Variants in FLNB observed in about 807,000 individuals in gnomAD.
The protein encoded by FLNB is filamin B, also known as filamin-B.
FLNB carries 111 observed loss-of-function variants against 250.6 expected under a neutral mutation model. That is an observed-to-expected ratio of 0.44 (90% CI 0.38 to 0.52). The LOEUF (loss-of-function observed/expected upper bound fraction) is 0.52, where lower values mean the gene tolerates loss of function less well. Among genes scored for constraint, FLNB ranks in the 20% least tolerant of loss-of-function variants. The probability of loss-of-function intolerance (pLI) is 0.00; values close to 1 mark genes in which losing one functional copy is unlikely to be tolerated. For synonymous variants in FLNB, 1,302 were observed against 1,372.1 expected (o/e 0.95, Z 1.13); for missense variants, 2,869 against 3,447.8 (o/e 0.83, Z 4.20).
chr3:58,039,499 G>T (rs1441814207), intron 1 of FLNB, among the ~76,000 whole-genome samples: 1 of 152,110 alleles, frequency 6.6e-6, no homozygotes, highest in Non-Finnish European at 1.5e-5. Context: ...AGTCTGACTG[G>T]GGGGATCTAG....
intron 1 of FLNB, among the ~76,000 whole-genome samples, chr3:58,049,917 C>A (rs2097159676): frequency 6.6e-6 from 1 of 152,156 alleles, no homozygotes; most frequent in Admixed American, 6.5e-5. Context: ...ATCTCACCCA[C>A]TACTGTGGGA....
chr3:58,168,425 A>G lies in FLNB; in HGVS notation c.7199-15A>G, dbSNP rs780180301. ...CCAAGTCATCAACACAGCATTTTCT[A>G]TTCCTTTCTCCCAGGTATCCAGTCG... On this transcript the variant is annotated splice_polypyrimidine_tract_variant and intron_variant, in intron 43 of 45. Coordinates refer to ENST00000295956, the MANE Select transcript of FLNB (RefSeq NM_001457.4). The G allele has an allele frequency of 1.0e-5, 16 of 1,602,394 alleles. No individual in the cohort carries two copies. Among genetic ancestry groups the G allele is most frequent in the East Asian group, 2.2e-5 (1 of 44,830 alleles).
At chr3:58,099,002 T>C (rs1192989207) in intron 8 of FLNB, 94 bp downstream of exon 8, 11 of 1,055,234 alleles carry the variant, frequency 1.0e-5, no homozygotes, top group Admixed American at 1.7e-5. Flanking sequence ...GGGCCCAACA[T>C]TGACCTTATG....
chr3:58,084,676 G>A lies in FLNB; in HGVS notation c.787+2900G>A, dbSNP rs542186300. 1.2e-4 allele frequency among the ~76,000 whole-genome samples: 18 copies of A among 152,096 alleles called. 1 individual carries two copies. The South Asian group carries it at 3.7e-3, about 32-fold the overall frequency. The stretch of plus-strand genomic sequence containing the variant: ...GTGTGGCATTAAGTGTATTCACGTT[G>A]TTGTGCAACCGCCACTGCTATCCAT... On this transcript the variant is annotated intron_variant, in intron 4 of 45. Coordinates refer to ENST00000295956, the MANE Select transcript of FLNB (RefSeq NM_001457.4).
chr3:58,129,106 C>T (rs2097302247), intron 24 of FLNB, among the ~76,000 whole-genome samples: 1 of 152,150 alleles, frequency 6.6e-6, no homozygotes, highest in Non-Finnish European at 1.5e-5. Flanking sequence ...AAATATTAGC[C>T]TAGTTTTTCC....
intron 1 of FLNB, among the ~76,000 whole-genome samples, chr3:58,014,978 C>T (rs1454248115): frequency 6.6e-6 from 1 of 152,148 alleles, no homozygotes; most frequent in African/African-American, 2.4e-5. Context: ...CCACCTGCCT[C>T]GGCCTCCCAA....
At chr3:58,065,639 T>C (rs1321020306) in intron 1 of FLNB, among the ~76,000 whole-genome samples, 2 of 152,206 alleles carry the variant, frequency 1.3e-5, no homozygotes, top group African/African-American at 2.4e-5. Context: ...CATTGTATTT[T>C]GGTTGCTGTG....
At chr3:58,086,606 A>G (rs1471198083) in intron 4 of FLNB, among the ~76,000 whole-genome samples, 4 of 152,234 alleles carry the variant, frequency 2.6e-5, no homozygotes, top group Non-Finnish European at 4.4e-5. Context: ...ATCTTATTAT[A>G]TAACAGTCTA....
Position 58,092,627 on chromosome 3 carries a change from CAG to C in FLNB, c.788-2206_788-2205del, listed in dbSNP as rs1265829689. Among the ~76,000 whole-genome samples, 5 of 152,120 alleles carry C rather than the reference CAG, an allele frequency of 3.3e-5. No individual in the cohort carries two copies. In the South Asian group the frequency reaches 6.2e-4, roughly 19 times the overall value. On this transcript the variant is annotated intron_variant, in intron 4 of 45. Transcript: ENST00000295956. Reference sequence around the variant, plus strand: ...TGCCACTGTGCTCCAGCCTGGGCTACAGAGTGAGACTTGGTCTCAAAACAAAA... The same window carrying C: ...TGCCACTGTGCTCCAGCCTGGGCTACAGTGAGACTTGGTCTCAAAACAAAA...
At chr3:58,071,710 A>G (rs2097194884) in intron 1 of FLNB, among the ~76,000 whole-genome samples, 1 of 152,110 alleles carries the variant, frequency 6.6e-6, no homozygotes, top group Non-Finnish European at 1.5e-5. Context: ...GCCTCTCCTC[A>G]TGGGCTACCA....
intron 42 of FLNB, among the ~76,000 whole-genome samples, chr3:58,160,439 T>C (rs1388656923): frequency 6.6e-6 from 1 of 152,178 alleles, no homozygotes; most frequent in Non-Finnish European, 1.5e-5. Flanking sequence ...CTCAAAGAGT[T>C]GCTCAAAGTT....
intron 18 of FLNB, among the ~76,000 whole-genome samples, chr3:58,116,515 G>A (rs13096736): frequency 2.0e-5 from 3 of 152,044 alleles, no homozygotes; most frequent in Non-Finnish European, 4.4e-5. Context: ...ACTCCACCTC[G>A]CAAAGTCCCT....
chr3:58,025,133 C>CTTTTTTTTTTTTT (rs57706596), intron 1 of FLNB, among the ~76,000 whole-genome samples: 2 of 116,550 alleles, frequency 1.7e-5, no homozygotes, highest in African/African-American at 3.4e-5. Context: ...TTCTTTCTTT[C>CTTTTTTTTTTTTT]TTTTTTTTTT....
chr3:58,110,068 C>A lies in FLNB; in HGVS notation c.2382C>A (p.Asp794Glu), dbSNP rs146159035. 6.2e-7 allele frequency: 1 copy of A among 1,614,068 alleles called. No homozygotes were observed. Among genetic ancestry groups the A allele is most frequent in the African/African-American group, 1.3e-5 (1 of 75,022 alleles). Residue 794 changes from aspartate to glutamate, a missense_variant, in exon 16 of 46, where the codon GAC becomes GAA. Around this residue, in one of 5 missense-constraint regions of FLNB, gnomAD observed 1,348 missense variants for 1,466.7 expected, o/e 0.92. Coordinates refer to ENST00000295956, the MANE Select transcript of FLNB (RefSeq NM_001457.4). ...DARVLSEDEE[D>E]VDFDIIHNAN... The stretch of plus-strand genomic sequence containing the variant: ...GGGTGTTAAGTGAAGATGAGGAAGA[C>A]GTGGATTTTGACATTATTCACAATG...
intron 10 of FLNB, among the ~76,000 whole-genome samples, chr3:58,104,585 A>G (rs978924558): frequency 6.6e-6 from 1 of 152,138 alleles, no homozygotes; most frequent in African/African-American, 2.4e-5. Flanking sequence ...TTAAACTCCG[A>G]ATAAATTCAG....
In FLNB at chr3:58,061,439, C is replaced by T. The variant is rs539431228; in HGVS notation, c.293-15607C>T. 3.3e-5 allele frequency among the ~76,000 whole-genome samples: 5 copies of T among 152,082 alleles called. No homozygotes were observed. In the East Asian group the frequency reaches 9.7e-4, roughly 29 times the overall value. ...ATGTCAAGATTTATTATAAAAGTAA[C>T]AGATGGGTAGGGCATGGTGGCTCAT... On this transcript the variant is annotated intron_variant, in intron 1 of 45. Coordinates refer to ENST00000295956, the MANE Select transcript of FLNB (RefSeq NM_001457.4).
In FLNB at chr3:58,164,193, A is replaced by G. The variant is rs1434325482; in HGVS notation, c.7198+863A>G. 6 of 152,274 alleles carry G rather than the reference A, an allele frequency of 3.9e-5. No individual in the cohort carries two copies. Among genetic ancestry groups the G allele is most frequent in the Admixed American group, 6.5e-5 (1 of 15,282 alleles). The allele number at this position is 152,274 out of a possible 1,614,324, so 9.4% of individuals were successfully genotyped here. Reference sequence around the variant, plus strand: ...GCTTTGACATCTTAAAGATCTTTCCATGTCAGAACAGATCTTCCCCTCCTT... The same window carrying G: ...GCTTTGACATCTTAAAGATCTTTCCGTGTCAGAACAGATCTTCCCCTCCTT... On this transcript the variant is annotated intron_variant, in intron 43 of 45. Coordinates refer to ENST00000295956, the MANE Select transcript of FLNB (RefSeq NM_001457.4). This position sits in a 1 kb window ranked among gnomAD's most constrained non-coding sequence, Gnocchi z 4.0.
Position 58,024,699 on chromosome 3 carries a change from TCC to T in FLNB, c.292+15844_292+15845del, listed in dbSNP as rs546381558. Among the ~76,000 whole-genome samples the T allele has an allele frequency of 5.7e-3, 766 of 133,688 alleles. 9 individuals carry two copies. Among genetic ancestry groups the T allele is most frequent in the African/African-American group, 0.021 (731 of 34,718 alleles). The allele number at this position is 133,688 out of a possible 152,430, so 87.7% of individuals were successfully genotyped here. ...GCATTTCTGGTCTTCTGGCCAAGCC[TCC>T]TTTTTTTTTTTTTTTTTTTTTTTTT... On this transcript the variant is annotated intron_variant, in intron 1 of 45. Transcript: ENST00000295956.
In FLNB at chr3:58,109,229, C is replaced by G. The variant is rs2097264525; in HGVS notation, c.2106C>G (p.Gly702=). Residue 702 remains glycine (G), a synonymous_variant, in exon 14 of 46, where the codon GGC becomes GGG. Coordinates refer to ENST00000295956, the MANE Select transcript of FLNB (RefSeq NM_001457.4). ...IDIQMKNRMD[G]TYACSYTPVK... is the part of the protein sequence containing the mutation. ...TCCAGATGAAGAACCGGATGGACGGCACATATGCATGCTCATACACCCCGG... is the reference window on the plus strand; with the variant it reads ...TCCAGATGAAGAACCGGATGGACGGGACATATGCATGCTCATACACCCCGG... 1.2e-6 allele frequency: 2 copies of G among 1,614,100 alleles called. No individual in the cohort carries two copies. Among genetic ancestry groups the G allele is most frequent in the African/African-American group, 2.7e-5 (2 of 74,946 alleles).
Sources: allele counts gnomAD v4.1 joint callset (sites outside exome capture counted in the v4.1 genomes callset), GRCh38; gene constraint gnomAD v4.1.1; regional missense constraint gnomAD v4.1.1; non-coding constraint Gnocchi (gnomAD v3.1); transcripts MANE v1.5; gene names NCBI Gene and HGNC (gene_info 2026-07-23, HGNC 2026-07-21).